Variants in ULK4 observed in about 807,000 individuals in gnomAD.
ULK4 encodes the protein inactive serine/threonine-protein kinase ULK4.
A neutral mutation model predicts 160.6 loss-of-function variants in ULK4; 133 were observed. That is an observed-to-expected ratio of 0.83 (90% CI 0.72 to 0.96). The LOEUF is 0.96. ULK4 is among the 40% of genes least tolerant of loss of function. The probability of loss-of-function intolerance (pLI) is 0.00; values close to 1 mark genes in which losing one functional copy is unlikely to be tolerated. For synonymous variants in ULK4, 534 were observed against 539.8 expected (o/e 0.99, Z 0.15); for missense variants, 1,580 against 1,499.5 (o/e 1.05, Z -0.89).
Position 41,513,952 on chromosome 3 carries a change from A to C in ULK4, c.3227-50699T>G, listed in dbSNP as rs529269618. Among the ~76,000 whole-genome samples, 4 of 152,266 alleles carry C rather than the reference A, an allele frequency of 2.6e-5. No individual in the cohort carries two copies. In the South Asian group the frequency reaches 8.3e-4, roughly 32 times the overall value. On this transcript the variant is annotated intron_variant, in intron 32 of 36. Coordinates refer to ENST00000301831, the MANE Select transcript of ULK4 (RefSeq NM_017886.4). Reference sequence around the variant, plus strand: ...TACCAAGCACCACCTGTTCCCTAAAAATCTATTGAAATAAAATTTAAAAAA... The same window carrying C: ...TACCAAGCACCACCTGTTCCCTAAACATCTATTGAAATAAAATTTAAAAAA...
At position 41,255,032 on chromosome 3, in the gene ULK4, CA is replaced by C. The variant is rs1280835285; in HGVS notation, c.3679-5459del. 3.4e-5 allele frequency among the ~76,000 whole-genome samples: 5 copies of C among 146,700 alleles called. No homozygotes were observed. The East Asian group carries it at 9.7e-4, about 28-fold the overall frequency. On this transcript the variant is annotated intron_variant, in intron 35 of 36. Transcript: ENST00000301831. ...ATACTTACATTAAATGTAGATTTAC[CA>C]AATGCTCCAAGTAAAAGATTTCAAG...
chr3:41,781,137 G>A (rs2039826776), intron 21 of ULK4, among the ~76,000 whole-genome samples: 2 of 152,202 alleles, frequency 1.3e-5, no homozygotes, highest in South Asian at 4.1e-4. Context: ...GACAGAAGAT[G>A]AGACATATTT....
At chr3:41,372,492 A>G (rs1210909191) in intron 35 of ULK4, among the ~76,000 whole-genome samples, 3 of 152,192 alleles carry the variant, frequency 2.0e-5, no homozygotes, top group Non-Finnish European at 4.4e-5. Flanking sequence ...GCCAATATTC[A>G]ACATTCTTAA....
At chr3:41,318,642 G>A (rs1306696411) in intron 35 of ULK4, among the ~76,000 whole-genome samples, 1 of 152,204 alleles carries the variant, frequency 6.6e-6, no homozygotes, top group African/African-American at 2.4e-5. Context: ...GAAAGGTCCA[G>A]TGCTTGTGGT....
At chr3:41,732,973 G>T (rs184447830) in intron 22 of ULK4, among the ~76,000 whole-genome samples, 43 of 152,234 alleles carry the variant, frequency 2.8e-4, no homozygotes, top group Non-Finnish European at 5.3e-4. Context: ...GGGAGAGGGG[G>T]AGGACAGGGA....
chr3:41,559,673 TC>T (rs2087483660), intron 32 of ULK4, among the ~76,000 whole-genome samples: 1 of 152,188 alleles, frequency 6.6e-6, no homozygotes. Context: ...ATAAATGTCT[TC>T]TTTTGAGAAG....
chr3:41,905,448 A>G (rs1481704174), intron 12 of ULK4, among the ~76,000 whole-genome samples: 1 of 152,220 alleles, frequency 6.6e-6, no homozygotes, highest in African/African-American at 2.4e-5. Context: ...TAGATATTAC[A>G]CCAAAAGCAC....
At chr3:41,830,880 C>G (rs1383863708) in intron 18 of ULK4, among the ~76,000 whole-genome samples, 1 of 151,444 alleles carries the variant, frequency 6.6e-6, no homozygotes, top group East Asian at 1.9e-4. Flanking sequence ...ATGTCAAGGC[C>G]TTGAGGGTCC....
intron 35 of ULK4, among the ~76,000 whole-genome samples, chr3:41,340,950 T>C (rs2080669774): frequency 6.6e-6 from 1 of 152,172 alleles, no homozygotes; most frequent in Admixed American, 6.5e-5. Flanking sequence ...CCTCCTGAAG[T>C]GTCCAGCTGA....
chr3:41,487,616 G>A (rs2084587452), intron 32 of ULK4, among the ~76,000 whole-genome samples: 1 of 151,958 alleles, frequency 6.6e-6, no homozygotes, highest in Admixed American at 6.6e-5. Flanking sequence ...AAGTAATTAT[G>A]GTATAACTAC....
At chr3:41,683,715 C>G (rs2036000179) in intron 27 of ULK4, among the ~76,000 whole-genome samples, 1 of 152,032 alleles carries the variant, frequency 6.6e-6, no homozygotes, top group South Asian at 2.1e-4. Context: ...CCTCAGTAGA[C>G]ACCCATGTGG....
At chr3:41,505,866 G>A (rs1230272250) in intron 32 of ULK4, among the ~76,000 whole-genome samples, 2 of 151,986 alleles carry the variant, frequency 1.3e-5, no homozygotes, top group Non-Finnish European at 2.9e-5. Flanking sequence ...AAGTGGTCAT[G>A]GTGGACATCT....
intron 16 of ULK4, among the ~76,000 whole-genome samples, chr3:41,890,723 C>A (rs1464534325): frequency 4.3e-5 from 3 of 69,230 alleles, no homozygotes; most frequent in African/African-American, 1.9e-4. Context: ...ACAGGAGGGA[C>A]GGGAGGGAAG....
chr3:41,524,661 C>T (rs1332801381), intron 32 of ULK4, among the ~76,000 whole-genome samples: 3 of 151,918 alleles, frequency 2.0e-5, no homozygotes, highest in African/African-American at 7.3e-5. Flanking sequence ...GAGGGGCAGC[C>T]GGGTGGAGTG....
chr3:41,800,420 G>T, intron 19 of ULK4, 127 bp from the exon 20 acceptor site: 1 of 821,036 alleles, frequency 1.2e-6, no homozygotes, highest in Non-Finnish European at 1.9e-6. Context: ...TAGGCAACTT[G>T]GGAGGAATGA....
intron 30 of ULK4, among the ~76,000 whole-genome samples, chr3:41,646,775 T>C (rs1559458457): frequency 7.4e-6 from 1 of 135,576 alleles, no homozygotes; most frequent in East Asian, 1.9e-4. Flanking sequence ...CTGGATAATA[T>C]CCTGAAGAGT....
chr3:41,874,947 G>C (rs1013383146), intron 17 of ULK4, among the ~76,000 whole-genome samples: 1 of 152,204 alleles, frequency 6.6e-6, no homozygotes, highest in Non-Finnish European at 1.5e-5. Flanking sequence ...GCTGAGGCAG[G>C]TGGATTGCTT....
intron 2 of ULK4, among the ~76,000 whole-genome samples, chr3:41,941,833 GT>G (rs1559665623): frequency 6.7e-6 from 1 of 150,308 alleles, no homozygotes; most frequent in Non-Finnish European, 1.5e-5. Context: ...AGACCACCTG[GT>G]GACCATGTTT....
intron 20 of ULK4, among the ~76,000 whole-genome samples, chr3:41,790,832 GT>G (rs1420638640): frequency 6.6e-6 from 1 of 152,146 alleles, no homozygotes; most frequent in African/African-American, 2.4e-5. Flanking sequence ...GGCCTTGAAA[GT>G]TTTTAAGGAA....
Sources: allele counts gnomAD v4.1 joint callset (sites outside exome capture counted in the v4.1 genomes callset), GRCh38; gene constraint gnomAD v4.1.1; transcripts MANE v1.5; gene names NCBI Gene and HGNC (gene_info 2026-07-23, HGNC 2026-07-21).